ITGA6: variants seen among roughly 807,000 people sequenced by gnomAD.
The protein encoded by ITGA6 is integrin alpha-6.
In ITGA6, 63 loss-of-function variants were observed where a neutral mutation model predicts 133.6. That is an observed-to-expected ratio of 0.47 (90% CI 0.38 to 0.58). ITGA6 has a LOEUF of 0.58. ITGA6 is among the 20% of genes least tolerant of loss of function. The pLI is 0.00. For missense variants in ITGA6, 1,068 were observed against 1,309.4 expected (o/e 0.82, Z 2.85); for synonymous variants, 434 against 482.0 (o/e 0.90, Z 1.30).
rs1246490221 is a variant in ITGA6, at chr2:172,506,056, T to C, written c.*1988T>C. On this transcript the variant is annotated 3_prime_UTR_variant, in exon 26 of 26. Coordinates refer to ENST00000684293, the MANE Select transcript of ITGA6 (RefSeq NM_000210.4). ...TGTTTAGATTTATGGTTGTTAAAAA[T>C]GTCATCTCAAGTCAAGTCACTGGTC... The C allele has an allele frequency of 6.6e-6, 1 of 152,652 alleles. No homozygotes were observed. The highest frequency in any genetic ancestry group is 1.5e-5 in the Non-Finnish European group (1 of 68,028). The allele number at this position is 152,652 out of a possible 1,614,324, so 9.5% of individuals were successfully genotyped here. A position where few individuals can be genotyped will look rare whatever the true frequency, so the allele number is the denominator to read the frequency against.
intron 23 of ITGA6, among the ~76,000 whole-genome samples, chr2:172,492,497 CT>C (rs1314846905): frequency 6.6e-6 from 1 of 152,218 alleles, no homozygotes; most frequent in Non-Finnish European, 1.5e-5. Flanking sequence ...TCATCATTTG[CT>C]TTCTCAACTT....
chr2:172,476,861 G>T (rs1262389442), intron 9 of ITGA6, among the ~76,000 whole-genome samples: 1 of 152,134 alleles, frequency 6.6e-6, no homozygotes, highest in African/African-American at 2.4e-5. Flanking sequence ...TAAACTCCAA[G>T]ATCTTGATTT....
intron 6 of ITGA6, among the ~76,000 whole-genome samples, chr2:172,474,570 TTTCA>T (rs1686083075): frequency 6.6e-6 from 1 of 152,268 alleles, no homozygotes; most frequent in South Asian, 2.1e-4. Context: ...TGTTCTGTGG[TTTCA>T]TATGGGGCTG....
intron 9 of ITGA6, among the ~76,000 whole-genome samples, chr2:172,478,908 A>C (rs1030773341): frequency 6.6e-6 from 1 of 152,200 alleles, no homozygotes; most frequent in Non-Finnish European, 1.5e-5. Context: ...AGACACGCTG[A>C]TCATGAGCAT....
rs752974480 is a variant in ITGA6, at chr2:172,490,239, G to A, written c.2679+581G>A. Among the ~76,000 whole-genome samples, 8 of 152,298 alleles carry A rather than the reference G, an allele frequency of 5.3e-5. No homozygotes were observed. The East Asian group carries it at 5.8e-4, about 11-fold the overall frequency. The stretch of plus-strand genomic sequence containing the variant: ...GAGGACATTAAGATTCAGAGAGCAA[G>A]TAACTCTCTCAGTCACTCAGGCGTT... On this transcript the variant is annotated intron_variant, in intron 20 of 25. Coordinates refer to ENST00000684293, the MANE Select transcript of ITGA6 (RefSeq NM_000210.4).
At chr2:172,435,041 T>TGTGTGA (rs1445338337) in intron 1 of ITGA6, among the ~76,000 whole-genome samples, 1 of 150,830 alleles carries the variant, frequency 6.6e-6, no homozygotes, top group East Asian at 1.9e-4. Flanking sequence ...TGTGTGTGTG[T>TGTGTGA]GTGTGTGTGT....
intron 25 of ITGA6, 106 bp from the exon 26 acceptor site, chr2:172,503,985 G>T: frequency 3.7e-6 from 3 of 800,334 alleles, no homozygotes; most frequent in African/African-American, 3.5e-5. Flanking sequence ...TTTCCCCTTA[G>T]TCCAGAGGTA....
At chr2:172,489,769 C>T (rs1686843675) in intron 20 of ITGA6, 111 bp downstream of exon 20, 3 of 1,020,244 alleles carry the variant, frequency 2.9e-6, no homozygotes, top group Middle Eastern at 2.6e-4. Context: ...GGCAGGTTGA[C>T]TTTCTCTTTG....
At chr2:172,477,622 T>C (rs958257835) in intron 9 of ITGA6, among the ~76,000 whole-genome samples, 1 of 152,252 alleles carries the variant, frequency 6.6e-6, no homozygotes, top group Admixed American at 6.5e-5. Context: ...GTGTAACTGA[T>C]ATTTTAATAT....
Position 172,450,877 on chromosome 2 carries a change from T to TTATATATTTATATACAAATATA in ITGA6, c.183-14658_183-14637dup, listed in dbSNP as rs1553529368. Among the ~76,000 whole-genome samples the TTATATATTTATATACAAATATA allele has an allele frequency of 3.3e-3, 460 of 140,484 alleles. 3 individuals are homozygous for TTATATATTTATATACAAATATA. Among genetic ancestry groups the TTATATATTTATATACAAATATA allele is most frequent in the African/African-American group, 0.013 (441 of 34,570 alleles). 92.2% of individuals were successfully genotyped at this position (140,484 alleles called of 152,430 possible). The stretch of plus-strand genomic sequence containing the variant: ...GTATTTATATAATATACAAATATAT[T>TTATATATTTATATACAAATATA]TATATATTTATATACAAATATATAT... On this transcript the variant is annotated intron_variant, in intron 1 of 25. Transcript: ENST00000684293.
chr2:172,456,206 C>T (rs760146426), intron 1 of ITGA6, among the ~76,000 whole-genome samples: 19 of 152,120 alleles, frequency 1.2e-4, no homozygotes, highest in Non-Finnish European at 2.1e-4. Flanking sequence ...GGTCAAGCTG[C>T]GGGAAAGGAG....
chr2:172,476,312 A>T, intron 8 of ITGA6, 83 bp from the exon 9 acceptor site: 1 of 822,256 alleles, frequency 1.2e-6, no homozygotes, highest in Non-Finnish European at 2.2e-6. Context: ...AGTTCAAAAG[A>T]AACTTGTGTG....
chr2:172,439,971 T>C (rs1223070163), intron 1 of ITGA6, among the ~76,000 whole-genome samples: 2 of 152,098 alleles, frequency 1.3e-5, no homozygotes, highest in African/African-American at 4.8e-5. Context: ...AGATAGAAAA[T>C]ACAGCCACTG....
chr2:172,449,252 C>T (rs994223024), intron 1 of ITGA6, among the ~76,000 whole-genome samples: 9 of 152,118 alleles, frequency 5.9e-5, no homozygotes, highest in African/African-American at 1.7e-4. Context: ...AAGATACTTA[C>T]CCCCCAATTG....
rs769416295 is a variant in ITGA6, at chr2:172,469,195, G to A, written c.458G>A (p.Arg153Gln). The A allele has an allele frequency of 6.2e-6, 10 of 1,614,120 alleles. No homozygotes were observed. Among genetic ancestry groups the A allele is most frequent in the South Asian group, 5.5e-5 (5 of 91,076 alleles). ...CAGGAATCCCGAGACATCTTTGGGCGGTGTTATGTCCTGAGTCAGAATCTC... is the reference window on the plus strand; with the variant it reads ...CAGGAATCCCGAGACATCTTTGGGCAGTGTTATGTCCTGAGTCAGAATCTC... ...TKQESRDIFG[R>Q]CYVLSQNLRI... Residue 153 changes from arginine to glutamine, a missense_variant, in exon 4 of 26, where the codon CGG becomes CAG. This residue lies in a region of ITGA6 where 317 missense variants were observed against 456.9 expected (regional missense o/e 0.69). Transcript: ENST00000684293.
intron 23 of ITGA6, among the ~76,000 whole-genome samples, chr2:172,493,273 A>G (rs1337190540): frequency 6.6e-6 from 1 of 152,116 alleles, no homozygotes; most frequent in African/African-American, 2.4e-5. Flanking sequence ...GGTATCAACC[A>G]GCACTGTCCC....
Position 172,474,068 on chromosome 2 carries a change from C to T in ITGA6, c.789C>T (p.Asp263=). 1 of 1,612,676 alleles carries T rather than the reference C, an allele frequency of 6.2e-7. No homozygotes were observed. The highest frequency in any genetic ancestry group is 8.5e-7 in the Non-Finnish European group (1 of 1,179,616). ...TTGTTTTTCTAGGTTTTTCTTTGGA[C>T]TCAGGGAAAGGTATTGTTTCTAAAG... ...PANSYLGFSL[D]SGKGIVSKDE... is the part of the protein sequence containing the mutation. Residue 263 remains aspartate, a synonymous_variant, in exon 6 of 26, where the codon GAC becomes GAT. Coordinates refer to ENST00000684293, the MANE Select transcript of ITGA6 (RefSeq NM_000210.4).
At chr2:172,470,235 G>T (rs1331941307) in intron 4 of ITGA6, among the ~76,000 whole-genome samples, 2 of 152,016 alleles carry the variant, frequency 1.3e-5, no homozygotes, top group African/African-American at 4.8e-5. Flanking sequence ...AATCTTCAAG[G>T]GTAATTTCCC....
chr2:172,470,057 A>G (rs1288606111), intron 4 of ITGA6, among the ~76,000 whole-genome samples: 1 of 152,254 alleles, frequency 6.6e-6, no homozygotes, highest in Non-Finnish European at 1.5e-5. Flanking sequence ...CATGATGAAG[A>G]GAACTGCATC....
Sources: gnomAD v4.1 joint callset for allele counts (sites outside exome capture counted in the v4.1 genomes callset) on GRCh38, gnomAD v4.1.1 for gene constraint, gnomAD v4.1.1 regional missense constraint, MANE v1.5 for transcripts, NCBI Gene and HGNC (gene_info 2026-07-23, HGNC 2026-07-21) for gene names.